MAP3K13: variants seen among roughly 807,000 people sequenced by gnomAD.
MAP3K13 encodes the protein mitogen-activated protein kinase kinase kinase 13, also known as leucine zipper-bearing kinase.
A neutral mutation model predicts 104.0 loss-of-function variants in MAP3K13; 52 were observed. The ratio of observed to expected loss-of-function variants is 0.50; its 90% confidence interval spans 0.40 to 0.63. The LOEUF (loss-of-function observed/expected upper bound fraction) is 0.63. Ranked by LOEUF, MAP3K13 falls within the 20% of genes least tolerant of loss-of-function variation. The pLI is 0.00. For missense variants in MAP3K13, 914 were observed against 1,218.5 expected (o/e 0.75, Z 3.72); for synonymous variants, 394 against 442.2 (o/e 0.89, Z 1.37).
intron 2 of MAP3K13, among the ~76,000 whole-genome samples, chr3:185,313,068 T>G (rs1215274427): frequency 2.0e-5 from 3 of 151,694 alleles, no homozygotes; most frequent in Admixed American, 1.3e-4. Flanking sequence ...TGTGTGCCTG[T>G]AGTTTCAGCT....
At position 185,480,514 on chromosome 3, in the gene MAP3K13, G is replaced by A; in HGVS notation, c.2784G>A (p.Glu928=). The stretch of plus-strand genomic sequence containing the variant: ...TGTCTCTGGGCAAGCTGTGTGTGGA[G>A]GAACGTGGCTATGAGGTGGGGGCTT... The part of the protein sequence containing the change: ...TQMSLGKLCV[E]ERGYENPMQF... Residue 928 remains glutamate, a synonymous_variant, in exon 13 of 14, where the codon GAG becomes GAA. Transcript: ENST00000265026. The A allele has an allele frequency of 6.2e-7, 1 of 1,613,288 alleles. No homozygotes were observed. Among genetic ancestry groups the A allele is most frequent in the South Asian group, 1.1e-5 (1 of 91,078 alleles).
At chr3:185,455,501 A>AGATATATATGAGATATATAT (rs1716521289) in intron 7 of MAP3K13, among the ~76,000 whole-genome samples, 2 of 46,628 alleles carry the variant, frequency 4.3e-5, no homozygotes, top group African/African-American at 1.2e-4. Context: ...TATATACATG[A>AGATATATATGAGATATATAT]GATATATATG....
intron 2 of MAP3K13, among the ~76,000 whole-genome samples, chr3:185,334,580 A>G (rs924647846): frequency 3.3e-5 from 5 of 150,738 alleles, no homozygotes; most frequent in African/African-American, 1.2e-4. Flanking sequence ...TTTCTTTAAC[A>G]TGTTGCTGAA....
At chr3:185,365,036 A>G (rs1229631509) in intron 1 of MAP3K13, among the ~76,000 whole-genome samples, 1 of 152,206 alleles carries the variant, frequency 6.6e-6, no homozygotes, top group Non-Finnish European at 1.5e-5. Flanking sequence ...CATCTTAAAA[A>G]ATGTTCATCA....
intron 1 of MAP3K13, chr3:185,417,789 T>C: frequency 6.2e-7 from 1 of 1,612,034 alleles, no homozygotes; most frequent in Non-Finnish European, 8.5e-7. Context: ...TCTTTGCATA[T>C]GGGTTTAGCT....
intron 10 of MAP3K13, 130 bp downstream of exon 10, chr3:185,467,093 T>C (rs1418228307): frequency 2.0e-6 from 2 of 988,640 alleles, no homozygotes; most frequent in East Asian, 5.2e-5. Context: ...CTCAGTACTC[T>C]AGGTAAAACA....
chr3:185,402,062 C>T (rs1019436678), intron 1 of MAP3K13, among the ~76,000 whole-genome samples: 1 of 152,170 alleles, frequency 6.6e-6, no homozygotes, highest in Non-Finnish European at 1.5e-5. Flanking sequence ...TGGATTAAAT[C>T]AGATTTTCAA....
Position 185,423,163 on chromosome 3 carries a change from T to C in MAP3K13, c.-85-5334T>C, listed in dbSNP as rs1714230987. On this transcript the variant is annotated intron_variant, in intron 1 of 13. Transcript: ENST00000265026. The surrounding 1 kb of genome is among the most constrained non-coding windows in gnomAD (Gnocchi z 4.1). ...AGTTGTAGAATTACTTCATTATGTA[T>C]TACAATGTAATTATAATAGAAATAA... is the stretch of plus-strand genomic sequence containing the variant. Among the ~76,000 whole-genome samples, 1 of 152,202 alleles carries C rather than the reference T, an allele frequency of 6.6e-6. No homozygotes were observed.
rs9854576 is a variant in MAP3K13 at position 185,456,653 on chromosome 3, G to A, written c.1278+5258G>A. Reference sequence around the variant, plus strand: ...CTTGCTCTGTCTTACCCAGGCTGGAGTGCAGTGTCGCAATCTCTGCTCACT... The same window carrying A: ...CTTGCTCTGTCTTACCCAGGCTGGAATGCAGTGTCGCAATCTCTGCTCACT... On this transcript the variant is annotated intron_variant, in intron 7 of 13. Coordinates refer to ENST00000265026, the MANE Select transcript of MAP3K13 (RefSeq NM_004721.5). Among the ~76,000 whole-genome samples, 960 of 140,028 alleles carry A rather than the reference G, an allele frequency of 6.9e-3. 14 individuals are homozygous for A. The highest frequency in any genetic ancestry group is 0.023 in the African/African-American group (877 of 37,604). 91.9% of individuals were successfully genotyped at this position (140,028 alleles called of 152,430 possible). A position where few individuals can be genotyped will look rare whatever the true frequency, so the allele number is the denominator to read the frequency against.
intron 2 of MAP3K13, among the ~76,000 whole-genome samples, chr3:185,290,621 T>C (rs1577396177): frequency 6.6e-6 from 1 of 152,338 alleles, no homozygotes; most frequent in Non-Finnish European, 1.5e-5. Context: ...GTTTGAATCC[T>C]GTCTCTACTA....
chr3:185,452,145 T>C (rs1715926528), intron 7 of MAP3K13, among the ~76,000 whole-genome samples: 1 of 152,192 alleles, frequency 6.6e-6, no homozygotes. Context: ...TCTAAGTGTG[T>C]CACCTAGTAG....
chr3:185,463,001 T>C (rs1171714412), intron 7 of MAP3K13, among the ~76,000 whole-genome samples: 1 of 152,168 alleles, frequency 6.6e-6, no homozygotes, highest in African/African-American at 2.4e-5. Flanking sequence ...TTCTGTTATT[T>C]CCCTCAACTC....
At chr3:185,336,816 A>G (rs1287372962) in intron 2 of MAP3K13, among the ~76,000 whole-genome samples, 1 of 151,850 alleles carries the variant, frequency 6.6e-6, no homozygotes, top group African/African-American at 2.4e-5. Context: ...TCCCCTTATT[A>G]CAAAAAAAGT....
At position 185,447,852 on chromosome 3, in the gene MAP3K13, T is replaced by C; in HGVS notation, c.915T>C (p.Ser305=). The C allele has an allele frequency of 1.2e-6, 2 of 1,614,018 alleles. No homozygotes were observed. The highest frequency in any genetic ancestry group is 1.1e-5 in the South Asian group (1 of 91,066). The part of the protein sequence containing the change: ...ISDFGTSKEL[S]DKSTKMSFAG... Reference sequence around the variant, plus strand: ...ATTTTGGTACATCTAAGGAACTCAGTGACAAAAGTACCAAGATGTCATTTG... The same window carrying C: ...ATTTTGGTACATCTAAGGAACTCAGCGACAAAAGTACCAAGATGTCATTTG... Residue 305 remains serine (S), a synonymous_variant, in exon 5 of 14, where the codon AGT becomes AGC. Transcript: ENST00000265026.
chr3:185,401,483 C>T (rs906050666), intron 1 of MAP3K13, among the ~76,000 whole-genome samples: 2 of 152,140 alleles, frequency 1.3e-5, no homozygotes, highest in Non-Finnish European at 2.9e-5. Flanking sequence ...ATGGAATCTC[C>T]TCGGGGAGCT....
intron 1 of MAP3K13, among the ~76,000 whole-genome samples, chr3:185,381,577 G>T (rs1320748927): frequency 6.6e-6 from 1 of 152,162 alleles, no homozygotes; most frequent in Admixed American, 6.5e-5. Flanking sequence ...GTAAACAACT[G>T]TCCTTCTTGA....
chr3:185,456,429 A>G (rs1716747420), intron 7 of MAP3K13, among the ~76,000 whole-genome samples: 1 of 152,138 alleles, frequency 6.6e-6, no homozygotes, highest in Admixed American at 6.6e-5. Context: ...ACTATCGCCC[A>G]TCTGTTCAGA....
At chr3:185,370,205 T>G (rs967999942) in intron 1 of MAP3K13, among the ~76,000 whole-genome samples, 15 of 152,168 alleles carry the variant, frequency 9.9e-5, no homozygotes, top group African/African-American at 3.6e-4. Flanking sequence ...TTGTTTTTTG[T>G]TTTCTCGAGA....
At chr3:185,313,007 T>A (rs1340834376) in intron 2 of MAP3K13, among the ~76,000 whole-genome samples, 1 of 152,046 alleles carries the variant, frequency 6.6e-6, no homozygotes. Flanking sequence ...CTACTCAACA[T>A]GGCAAAACCC....
Sources: allele counts gnomAD v4.1 joint callset (sites outside exome capture counted in the v4.1 genomes callset), GRCh38; gene constraint gnomAD v4.1.1; non-coding constraint Gnocchi (gnomAD v3.1); transcripts MANE v1.5; gene names NCBI Gene and HGNC (gene_info 2026-07-23, HGNC 2026-07-21).